Variants in SLC67A1 observed in about 807,000 individuals in gnomAD.
The protein encoded by SLC67A1 is solute carrier family 67 member A1.
chr11:2,925,227 C>G, the SLC67A1 span: 2 of 1,599,448 alleles, frequency 1.3e-6, no homozygotes, highest in Non-Finnish European at 1.7e-6. The surrounding 1 kb of genome is among the most constrained non-coding windows in gnomAD (Gnocchi z 6.5). Context: ...TGGCAATAAA[C>G]TCCTACTAAA....
At chr11:2,916,432 T>G in the SLC67A1 span, 1 of 539,372 alleles carries the variant, frequency 1.9e-6, no homozygotes, top group Non-Finnish European at 3.3e-6. Flanking sequence ...CCCCACCCAT[T>G]CCTTCATCCA....
the SLC67A1 span, chr11:2,902,845 A>C: frequency 2.9e-6 from 2 of 684,646 alleles, no homozygotes; most frequent in Non-Finnish European, 3.6e-6. Flanking sequence ...TGAGAGCTGC[A>C]CTGTGTTGGG....
chr11:2,918,110 C>G, the SLC67A1 span: 1 of 1,599,456 alleles, frequency 6.3e-7, no homozygotes, highest in Non-Finnish European at 8.6e-7. Context: ...GTCCCAACTA[C>G]TGCCCCAACA....
the SLC67A1 span, among the ~76,000 whole-genome samples, chr11:2,924,583 C>T: frequency 1.6e-4 from 25 of 152,286 alleles, no homozygotes; most frequent in Middle Eastern, 0.01. This position sits in a 1 kb window ranked among gnomAD's most constrained non-coding sequence, Gnocchi z 8.6. Context: ...GTTCCGGGCC[C>T]CAGGCACAGA....
the SLC67A1 span, chr11:2,908,091 A>C: frequency 3.3e-6 from 2 of 605,658 alleles, no homozygotes; most frequent in Non-Finnish European, 5.9e-6. Context: ...CCCCCTGGGA[A>C]GGGCCCCTCG....
the SLC67A1 span, chr11:2,919,465 C>G: frequency 7.8e-7 from 1 of 1,278,484 alleles, no homozygotes; most frequent in African/African-American, 1.5e-5. Flanking sequence ...GTGGGGCAGG[C>G]CTCTGAGAGT....
the SLC67A1 span, chr11:2,909,612 C>G: frequency 1.4e-5 from 22 of 1,531,716 alleles, no homozygotes; most frequent in Non-Finnish European, 1.9e-5. Flanking sequence ...TGTCGGCACC[C>G]GAGGAGCGGC....
chr11:2,919,298 C>T, the SLC67A1 span: 1 of 1,608,786 alleles, frequency 6.2e-7, no homozygotes, highest in South Asian at 1.1e-5. Context: ...TTCCCCTGCC[C>T]CGGCTCAGGG....
the SLC67A1 span, among the ~76,000 whole-genome samples, chr11:2,905,824 G>C: frequency 6.6e-6 from 1 of 152,230 alleles, no homozygotes; most frequent in Non-Finnish European, 1.5e-5. Context: ...ATGTGAGCAT[G>C]CTCCATTGCC....
chr11:2,919,336 T>C, the SLC67A1 span: 1 of 1,613,916 alleles, frequency 6.2e-7, no homozygotes, highest in Non-Finnish European at 8.5e-7. Flanking sequence ...CTCCATCATC[T>C]CCATGGACTT....
the SLC67A1 span, among the ~76,000 whole-genome samples, chr11:2,924,101 C>T: frequency 3.9e-5 from 6 of 152,202 alleles, no homozygotes; most frequent in Non-Finnish European, 5.9e-5. The surrounding 1 kb of genome is among the most constrained non-coding windows in gnomAD (Gnocchi z 8.6). Context: ...TCCCGCTTGG[C>T]GAGTGCTGCC....
chr11:2,918,354 T>C, the SLC67A1 span, among the ~76,000 whole-genome samples: 2,267 of 152,344 alleles, frequency 0.015, 43 homozygotes, highest in African/African-American at 0.049. Flanking sequence ...GCTCCTCAGC[T>C]CTTACCCTCA....
chr11:2,914,781 G>A, the SLC67A1 span: 10 of 985,434 alleles, frequency 1.0e-5, no homozygotes, highest in Non-Finnish European at 1.2e-5. Flanking sequence ...TTTTGCCCCT[G>A]CCCAGCCAGA....
the SLC67A1 span, among the ~76,000 whole-genome samples, chr11:2,902,041 C>T: frequency 6.6e-6 from 1 of 152,164 alleles, no homozygotes; most frequent in Non-Finnish European, 1.5e-5. Flanking sequence ...GCCCGGGCAC[C>T]GGGCAGGATT....
At chr11:2,908,285 C>T in the SLC67A1 span, 11 of 1,613,920 alleles carry the variant, frequency 6.8e-6, no homozygotes, top group Non-Finnish European at 8.5e-6. Context: ...TACCTGCAAA[C>T]CACCTTCGGG....
chr11:2,922,186 G>C, the SLC67A1 span: 7 of 1,613,484 alleles, frequency 4.3e-6, no homozygotes, highest in Non-Finnish European at 5.9e-6. Context: ...GGTCTTCATC[G>C]TGGTGGGCCT....
At chr11:2,915,293 G>T in the SLC67A1 span, 1 of 943,006 alleles carries the variant, frequency 1.1e-6, no homozygotes, top group Non-Finnish European at 1.3e-6. Context: ...GTGTGTGTGT[G>T]TGTGCGCATG....
chr11:2,915,280 C>CGTGTGTGT, the SLC67A1 span: 3 of 928,022 alleles, frequency 3.2e-6, no homozygotes, highest in African/African-American at 5.4e-5. Context: ...CAAGTTTGCC[C>CGTGTGTGT]GTGTGTGTGT....
the SLC67A1 span, chr11:2,899,802 C>CAGTGGTA: frequency 7.6e-7 from 1 of 1,310,726 alleles, no homozygotes; most frequent in African/African-American, 1.5e-5. Context: ...TGGAGGAAGA[C>CAGTGGTA]AGTGGTAAGT....
Sources: allele counts gnomAD v4.1 joint callset (sites outside exome capture counted in the v4.1 genomes callset), GRCh38; gene constraint gnomAD v4.1.1; non-coding constraint Gnocchi (gnomAD v3.1); transcripts MANE v1.5; gene names NCBI Gene and HGNC (gene_info 2026-07-23, HGNC 2026-07-21).